PAQR3: variants seen among roughly 807,000 people sequenced by gnomAD.
PAQR3 encodes Raf kinase trapping to Golgi.
PAQR3 carries 39 observed loss-of-function variants against 41.7 expected under a neutral mutation model. That is an observed-to-expected ratio of 0.93 (90% CI 0.72 to 1.22). The LOEUF (loss-of-function observed/expected upper bound fraction) is 1.22. Ranked by LOEUF, PAQR3 falls within the 50% of genes most tolerant of loss-of-function variation. The pLI is 0.00. For synonymous variants in PAQR3, 140 were observed against 140.6 expected (o/e 1.00, Z 0.03); for missense variants, 366 against 385.6 (o/e 0.95, Z 0.42).
At chr4:78,905,512 GT>G (rs1357309674) in intron 11 of PAQR3, among the ~76,000 whole-genome samples, 1 of 151,922 alleles carries the variant, frequency 6.6e-6, no homozygotes, top group Non-Finnish European at 1.5e-5. Context: ...CATCTACACA[GT>G]TTTTAATGCT....
chr4:78,917,768 A>G lies in PAQR3; in HGVS notation c.*2771T>C. On this transcript the variant is annotated 3_prime_UTR_variant, in exon 6 of 6. Transcript: ENST00000512733. Reference sequence around the variant, plus strand: ...GTATTATCTAGTAGGTACCTGCCAAATGGAGAGTTGTACAGTTTTACGGAA... The same window carrying G: ...GTATTATCTAGTAGGTACCTGCCAAGTGGAGAGTTGTACAGTTTTACGGAA... 2 of 970,290 alleles carry G rather than the reference A, an allele frequency of 2.1e-6. No homozygotes were observed. The highest frequency in any genetic ancestry group is 9.6e-5 in the South Asian group (2 of 20,910). The allele number at this position is 970,290 out of a possible 1,614,324, so 60.1% of individuals were successfully genotyped here. A position where few individuals can be genotyped will look rare whatever the true frequency, so the allele number is the denominator to read the frequency against.
At chr4:78,911,188 C>T (rs761301053), downstream of PAQR3, 20 of 1,613,638 alleles carry the variant, frequency 1.2e-5, no homozygotes, top group South Asian at 2.2e-4. Flanking sequence ...AAAGAACCTC[C>T]CTCAACACAG....
At chr4:78,930,082 G>C in intron 3 of PAQR3, 88 bp downstream of exon 3, 1 of 1,251,928 alleles carries the variant, frequency 8.0e-7, no homozygotes, top group South Asian at 1.5e-5. Context: ...AGTTAATTAT[G>C]TACTTATTCA....
chr4:78,901,235 T>A (rs995286115), intron 11 of PAQR3, among the ~76,000 whole-genome samples: 22 of 151,608 alleles, frequency 1.5e-4, no homozygotes, highest in Admixed American at 6.6e-4. Flanking sequence ...TTATTATTTT[T>A]TTTTTTGTAG....
At chr4:78,893,866 T>G (rs531642134) in intron 11 of PAQR3, among the ~76,000 whole-genome samples, 75 of 152,298 alleles carry the variant, frequency 4.9e-4, no homozygotes, top group Non-Finnish European at 9.6e-4. Context: ...GCCCAGCTAA[T>G]AAGACTTGAA....
chr4:78,930,761 C>G (rs1310251576), intron 2 of PAQR3: 1 of 132,500 alleles, frequency 7.5e-6, no homozygotes, highest in Non-Finnish European at 1.6e-5. Flanking sequence ...ATATAAGCCC[C>G]TCTTACTCAA....
At chr4:78,905,157 C>G (rs561446503) in intron 11 of PAQR3, among the ~76,000 whole-genome samples, 6 of 151,802 alleles carry the variant, frequency 4.0e-5, no homozygotes, top group African/African-American at 1.4e-4. Context: ...AATTGATTAA[C>G]CCTTTCGTTA....
chr4:78,923,748 C>T (rs1189683625), intron 5 of PAQR3, 109 bp downstream of exon 5: 3 of 757,772 alleles, frequency 4.0e-6, no homozygotes, highest in Non-Finnish European at 6.7e-6. Context: ...GAATCATTTC[C>T]ATAATCAATA....
chr4:78,922,756 C>T, intron 5 of PAQR3: 1 of 371,200 alleles, frequency 2.7e-6, no homozygotes, highest in Non-Finnish European at 5.3e-6. Flanking sequence ...CTTACCCTAA[C>T]CCTGGGGGGA....
rs1352160007 is a variant in PAQR3 at position 78,913,351 on chromosome 4, A to G, written c.*7188T>C. The G allele has an allele frequency of 1.3e-5, 2 of 152,150 alleles. No homozygotes were observed. Among genetic ancestry groups the G allele is most frequent in the African/African-American group, 4.8e-5 (2 of 41,450 alleles). The allele number at this position is 152,150 out of a possible 1,614,324, so 9.4% of individuals were successfully genotyped here. ...ACCAATTTGCCTTTTTTTACACCAC[A>G]AATCCTAATTAGAAACTTGAGGTTT... is the stretch of plus-strand genomic sequence containing the variant. On this transcript the variant is annotated 3_prime_UTR_variant, in exon 6 of 6. Transcript: ENST00000512733.
In PAQR3 at chr4:78,919,970, A is replaced by G; in HGVS notation, c.*569T>C. ...TTTGTTCTGGAAAACTAAAATATCT[A>G]ATGTTCTTAGGGAGAGAAGAACCTA... On this transcript the variant is annotated 3_prime_UTR_variant, in exon 6 of 6. Transcript: ENST00000512733. The G allele has an allele frequency of 1.0e-6, 1 of 985,220 alleles. No individual in the cohort carries two copies. Among genetic ancestry groups the G allele is most frequent in the Non-Finnish European group, 1.2e-6 (1 of 829,474 alleles). 61.0% of individuals were successfully genotyped at this position (985,220 alleles called of 1,614,324 possible). A position where few individuals can be genotyped will look rare whatever the true frequency, so the allele number is the denominator to read the frequency against.
rs140649973 is a variant in PAQR3, at chr4:78,929,055, G to A, written c.504+1115C>T. On this transcript the variant is annotated intron_variant, in intron 3 of 5. Transcript: ENST00000512733. ...GTAACGCGAGCCATGGGGAGTGGCT[G>A]TAAATACGTATGAAACTTCCCTGGC... Among the ~76,000 whole-genome samples, 477 of 152,354 alleles carry A rather than the reference G, an allele frequency of 3.1e-3. 5 individuals carry two copies. Among genetic ancestry groups the A allele is most frequent in the South Asian group, 0.011 (54 of 4,830 alleles).
At chr4:78,897,538 G>T (rs1034152600) in intron 11 of PAQR3, among the ~76,000 whole-genome samples, 51 of 152,202 alleles carry the variant, frequency 3.4e-4, no homozygotes, top group African/African-American at 1.1e-3. Flanking sequence ...ACAGCTATTT[G>T]AATTTTGAAC....
chr4:78,916,333 A>C lies in PAQR3; in HGVS notation c.*4206T>G, dbSNP rs1366349996. 1 of 152,002 alleles carries C rather than the reference A, an allele frequency of 6.6e-6. No individual in the cohort carries two copies. The highest frequency in any genetic ancestry group is 1.9e-4 in the East Asian group (1 of 5,204). The allele number at this position is 152,002 out of a possible 1,614,324, so 9.4% of individuals were successfully genotyped here. On this transcript the variant is annotated 3_prime_UTR_variant, in exon 6 of 6. Transcript: ENST00000512733. ...TTTTAATCTGTTTTCTTTAAATGCA[A>C]TAAATCCCAAATGGATTGCATATTC...
intron 11 of PAQR3, among the ~76,000 whole-genome samples, chr4:78,899,845 A>G (rs1196355177): frequency 6.6e-6 from 1 of 152,164 alleles, no homozygotes; most frequent in East Asian, 1.9e-4. Context: ...AAGTTGAGAT[A>G]TTAGCAACAG....
chr4:78,923,931 A>G lies in PAQR3; in HGVS notation c.719T>C (p.Val240Ala). The G allele has an allele frequency of 1.9e-6, 3 of 1,613,102 alleles. No individual in the cohort carries two copies. The highest frequency in any genetic ancestry group is 1.7e-6 in the Non-Finnish European group (2 of 1,179,246). ...AAGAGCAATCATATACATCACAATT[A>G]CACGGGGTGCAAAGTCCTGAAAAGC... ...APIVQDFAPR[V>A]IVMYMIALLA... is the part of the protein sequence containing the mutation. The change falls in exon 5 of 6, where the codon GTA becomes GCA. Residue 240 changes from valine to alanine, a missense_variant. Coordinates refer to ENST00000512733, the MANE Select transcript of PAQR3 (RefSeq NM_001040202.2).
At chr4:78,906,825 G>A (rs17003497) in intron 10 of PAQR3, among the ~76,000 whole-genome samples, 4,889 of 152,198 alleles carry the variant, frequency 0.032, 257 homozygotes, top group African/African-American at 0.11. Flanking sequence ...TTCAGGCACC[G>A]TTCTAAGTCC....
At chr4:78,889,729 C>A (rs1305710005) in intron 11 of PAQR3, among the ~76,000 whole-genome samples, 1 of 152,142 alleles carries the variant, frequency 6.6e-6, no homozygotes, top group Non-Finnish European at 1.5e-5. Flanking sequence ...AAAAACTACT[C>A]CCAGGTGTAT....
At position 78,934,309 on chromosome 4, in the gene PAQR3, C is replaced by A. The variant is rs1014843601; in HGVS notation, c.348+812G>T. On this transcript the variant is annotated intron_variant, in intron 2 of 5. Coordinates refer to ENST00000512733, the MANE Select transcript of PAQR3 (RefSeq NM_001040202.2). ...GAAATAAAATGATACATGATGAAAG[C>A]GACATTTGTGCAGCTGAGTTATGAG... Among the ~76,000 whole-genome samples the A allele has an allele frequency of 5.4e-4, 82 of 152,206 alleles. 1 individual carries two copies. Among genetic ancestry groups the A allele is most frequent in the African/African-American group, 1.9e-3 (80 of 41,534 alleles).
Sources: allele counts gnomAD v4.1 joint callset (sites outside exome capture counted in the v4.1 genomes callset), GRCh38; gene constraint gnomAD v4.1.1; transcripts MANE v1.5; gene names NCBI Gene and HGNC (gene_info 2026-07-23, HGNC 2026-07-21).